The following RABGAP1L variants were observed in gnomAD, a reference collection of about 807,000 sequenced individuals.
RABGAP1L encodes the protein rab GTPase-activating protein 1-like.
In RABGAP1L, 63 loss-of-function variants were observed where a neutral mutation model predicts 137.7. The ratio of observed to expected loss-of-function variants is 0.46; its 90% CI spans 0.37 to 0.56. The LOEUF (loss-of-function observed/expected upper bound fraction) is 0.56. Among genes scored for constraint, RABGAP1L ranks in the 20% least tolerant of loss-of-function variants. The pLI, the probability that RABGAP1L is intolerant of heterozygous loss-of-function variation, is 0.00. For synonymous variants in RABGAP1L, 431 were observed against 433.7 expected, an observed-to-expected ratio of 0.99 and a Z score of 0.08; for missense variants, 1,095 against 1,244.0, an observed-to-expected ratio of 0.88 and a Z score of 1.80.
intron 13 of RABGAP1L, among the ~76,000 whole-genome samples, chr1:174,573,139 T>A (rs1178734856): frequency 6.6e-6 from 1 of 152,162 alleles, no homozygotes; most frequent in Non-Finnish European, 1.5e-5. Context: ...ATACACTATT[T>A]ATGTGTGTAT....
At chr1:174,556,303 A>G (rs1049168020) in intron 13 of RABGAP1L, among the ~76,000 whole-genome samples, 5 of 152,022 alleles carry the variant, frequency 3.3e-5, no homozygotes, top group Non-Finnish European at 7.4e-5. Context: ...GCCTCTTTTG[A>G]CTTTGAAAAA....
At chr1:174,956,599 C>G (rs901112910) in intron 19 of RABGAP1L, among the ~76,000 whole-genome samples, 2 of 151,358 alleles carry the variant, frequency 1.3e-5, no homozygotes, top group African/African-American at 4.9e-5. Flanking sequence ...ACTAAAACCT[C>G]CTTTGTTTTC....
chr1:174,952,228 C>G (rs66700013), intron 19 of RABGAP1L, among the ~76,000 whole-genome samples: 1 of 150,844 alleles, frequency 6.6e-6, no homozygotes, highest in African/African-American at 2.4e-5. Flanking sequence ...TGGGCCAGGC[C>G]TGGTGGCTCA....
intron 14 of RABGAP1L, among the ~76,000 whole-genome samples, chr1:174,654,788 G>C (rs2148402834): frequency 6.6e-6 from 1 of 152,204 alleles, no homozygotes; most frequent in East Asian, 1.9e-4. Flanking sequence ...TGTTAGATAA[G>C]AAAATTGCTT....
At chr1:174,966,206 T>C (rs10489334) in intron 20 of RABGAP1L, among the ~76,000 whole-genome samples, 21,503 of 152,194 alleles carry the variant, frequency 0.14, 5,032 homozygotes, top group African/African-American at 0.49. Context: ...GCCAAATGAA[T>C]GTAATGTACA....
At chr1:174,848,817 C>T (rs1347439649) in intron 19 of RABGAP1L, among the ~76,000 whole-genome samples, 1 of 151,342 alleles carries the variant, frequency 6.6e-6, no homozygotes, top group African/African-American at 2.4e-5. Flanking sequence ...GCGGGCGCCC[C>T]TCCCCCAGCT....
chr1:174,338,541 GTT>G (rs74513028), intron 11 of RABGAP1L, among the ~76,000 whole-genome samples: 1 of 139,220 alleles, frequency 7.2e-6, no homozygotes, highest in Non-Finnish European at 1.6e-5. Flanking sequence ...GAAATGTAGT[GTT>G]TTTTTTTTTT....
chr1:174,701,903 A>G (rs756771042), intron 16 of RABGAP1L, among the ~76,000 whole-genome samples: 6 of 152,138 alleles, frequency 3.9e-5, no homozygotes, highest in Non-Finnish European at 7.4e-5. Context: ...GTTGTTTATA[A>G]TAAGTCTGTT....
intron 13 of RABGAP1L, among the ~76,000 whole-genome samples, chr1:174,636,833 G>A (rs1196282754): frequency 6.6e-6 from 1 of 151,968 alleles, no homozygotes; most frequent in African/African-American, 2.4e-5. Context: ...TAAACCTCAA[G>A]GAATTTATCC....
intron 13 of RABGAP1L, among the ~76,000 whole-genome samples, chr1:174,619,234 G>T (rs1463474322): frequency 6.6e-6 from 1 of 152,204 alleles, no homozygotes; most frequent in Admixed American, 6.5e-5. Flanking sequence ...TTATCCAGGA[G>T]AACTTCCCCA....
chr1:174,817,507 G>A (rs905743993), intron 19 of RABGAP1L, among the ~76,000 whole-genome samples: 1 of 152,162 alleles, frequency 6.6e-6, no homozygotes, highest in Non-Finnish European at 1.5e-5. Flanking sequence ...TGGAGAGTAG[G>A]TTGCAAGGAG....
intron 10 of RABGAP1L, among the ~76,000 whole-genome samples, chr1:174,282,818 C>G (rs779475916): frequency 5.3e-5 from 8 of 152,202 alleles, no homozygotes; most frequent in Non-Finnish European, 1.0e-4. Flanking sequence ...ACACCTCTCT[C>G]ATGTGGGTAT....
intron 13 of RABGAP1L, among the ~76,000 whole-genome samples, chr1:174,522,458 A>C (rs546365970): frequency 6.6e-6 from 1 of 151,964 alleles, no homozygotes; most frequent in African/African-American, 2.4e-5. Context: ...AGTCCCAGAT[A>C]CTCAGGAAAG....
intron 19 of RABGAP1L, among the ~76,000 whole-genome samples, chr1:174,940,950 A>G (rs1665763916): frequency 6.6e-6 from 1 of 152,222 alleles, no homozygotes; most frequent in African/African-American, 2.4e-5. Flanking sequence ...CAACCTAGAC[A>G]GTCTTCATTC....
At chr1:174,403,295 A>G (rs1331423792) in intron 13 of RABGAP1L, among the ~76,000 whole-genome samples, 1 of 140,770 alleles carries the variant, frequency 7.1e-6, no homozygotes, top group Non-Finnish European at 1.5e-5. Context: ...TTTTTTTTTT[A>G]AGAGACAGGG....
intron 19 of RABGAP1L, among the ~76,000 whole-genome samples, chr1:174,869,864 G>T (rs1484941917): frequency 6.6e-6 from 1 of 152,096 alleles, no homozygotes; most frequent in African/African-American, 2.4e-5. Flanking sequence ...CTCTGCCTGT[G>T]ACTAGAAAAC....
intron 1 of RABGAP1L, among the ~76,000 whole-genome samples, chr1:174,184,180 C>T (rs968088647): frequency 8.5e-5 from 13 of 152,150 alleles, no homozygotes; most frequent in East Asian, 1.9e-4. Flanking sequence ...TGGCTTCTTT[C>T]ACCTAGTAAA....
intron 13 of RABGAP1L, among the ~76,000 whole-genome samples, chr1:174,633,767 A>G (rs1225364285): frequency 7.0e-6 from 1 of 141,904 alleles, no homozygotes; most frequent in East Asian, 2.0e-4. Flanking sequence ...AAACCTGAGA[A>G]AAACAAGCAG....
intron 1 of RABGAP1L, among the ~76,000 whole-genome samples, chr1:174,162,543 C>G (rs1393769635): frequency 6.6e-6 from 1 of 152,036 alleles, no homozygotes; most frequent in African/African-American, 2.4e-5. Context: ...CCATTGTCTT[C>G]AAGTGGGGTA....
Sources: allele counts gnomAD v4.1 joint callset (sites outside exome capture counted in the v4.1 genomes callset), GRCh38; gene constraint gnomAD v4.1.1; transcripts MANE v1.5; gene names NCBI Gene and HGNC (gene_info 2026-07-23, HGNC 2026-07-21).